Variants in DPH6 observed in about 807,000 individuals in gnomAD.
The protein encoded by DPH6 is diphthamine biosynthesis 6.
A neutral mutation model predicts 38.2 loss-of-function variants in DPH6; 33 were observed. The ratio of observed to expected loss-of-function variants is 0.86; its 90% CI spans 0.65 to 1.15. DPH6 has a LOEUF of 1.15. Ranked by LOEUF, DPH6 falls within the 50% of genes most tolerant of loss-of-function variation. DPH6 has a pLI of 0.00. For missense variants in DPH6, 325 were observed against 320.0 expected, an observed-to-expected ratio of 1.02 and a Z score of -0.12; for synonymous variants, 108 against 103.0, an observed-to-expected ratio of 1.05 and a Z score of -0.30.
chr15:35,518,087 T>G (rs2054872299), intron 3 of DPH6, among the ~76,000 whole-genome samples: 1 of 152,018 alleles, frequency 6.6e-6, no homozygotes, highest in Admixed American at 6.6e-5. Context: ...AGGCCTGGTG[T>G]TCAAAGAATT....
At position 35,314,846 on chromosome 15, in the gene DPH6, C is replaced by T. The variant is rs72708948; in HGVS notation, n.200+58675G>A. Among the ~76,000 whole-genome samples, 269 of 152,192 alleles carry T rather than the reference C, an allele frequency of 1.8e-3. 1 individual carries two copies. Among genetic ancestry groups the T allele is most frequent in the East Asian group, 5.0e-3 (26 of 5,182 alleles). On this transcript the variant is annotated intron_variant and non_coding_transcript_variant, in intron 3 of 3. Transcript: ENST00000560386. ...CATTTCTTGATGGGATTGTGACATG[C>T]GATGAAAAGTGGATTTTATACCACA...
At chr15:35,426,160 G>T (rs1455046) in intron 5 of DPH6, among the ~76,000 whole-genome samples, 50,804 of 151,080 alleles carry the variant, frequency 0.34, 10,067 homozygotes, top group African/African-American at 0.56. Context: ...TACAACACAT[G>T]TTGGGAGTTT....
At chr15:35,213,553 A>G (rs184543571), downstream of DPH6, among the ~76,000 whole-genome samples, 5 of 152,300 alleles carry the variant, frequency 3.3e-5, no homozygotes, top group African/African-American at 1.2e-4. Flanking sequence ...AAATATTTAG[A>G]AAAAAAGGTC....
chr15:35,423,092 G>A (rs760380074), intron 5 of DPH6, among the ~76,000 whole-genome samples: 4 of 151,758 alleles, frequency 2.6e-5, no homozygotes, highest in African/African-American at 7.3e-5. Context: ...TGTGATTGCC[G>A]GATCATACAG....
intron 6 of DPH6, among the ~76,000 whole-genome samples, chr15:35,382,895 T>C (rs906948299): frequency 6.6e-6 from 1 of 151,814 alleles, no homozygotes; most frequent in Non-Finnish European, 1.5e-5. Context: ...AAACCTATGA[T>C]TTGCATTAAA....
chr15:35,237,999 G>C, intron 3 of DPH6: 1 of 1,500,880 alleles, frequency 6.7e-7, no homozygotes, highest in Non-Finnish European at 9.3e-7. Context: ...GAAGAGCTCC[G>C]TGAAGAAGAA....
chr15:35,167,928 G>A, the DPH6 span, among the ~76,000 whole-genome samples: 1 of 152,008 alleles, frequency 6.6e-6, no homozygotes. Context: ...TACTTTCAAT[G>A]CCACACAAGT....
At chr15:35,538,585 C>T (rs2055207696) in intron 2 of DPH6, 118 bp from the exon 3 acceptor site, 6 of 819,526 alleles carry the variant, frequency 7.3e-6, no homozygotes, top group Non-Finnish European at 1.0e-5. Context: ...GCTTGCTATA[C>T]TATGTTTCTC....
intron 6 of DPH6, among the ~76,000 whole-genome samples, chr15:35,384,996 G>A (rs1191957755): frequency 3.9e-5 from 6 of 152,006 alleles, no homozygotes; most frequent in Non-Finnish European, 5.9e-5. Context: ...ACATTTATGC[G>A]GCCAACAAAC....
the DPH6 span, among the ~76,000 whole-genome samples, chr15:35,165,656 A>G: frequency 6.6e-6 from 1 of 151,912 alleles, no homozygotes; most frequent in African/African-American, 2.4e-5. Context: ...GAATTGGGCA[A>G]ATGCTGAGCC....
intron 3 of DPH6, among the ~76,000 whole-genome samples, chr15:35,233,791 T>C (rs2051534383): frequency 6.6e-6 from 1 of 152,216 alleles, no homozygotes; most frequent in Non-Finnish European, 1.5e-5. Context: ...TTCTCTAATG[T>C]ACTGAGTTTA....
At chr15:35,169,882 C>T in the DPH6 span, among the ~76,000 whole-genome samples, 1 of 152,108 alleles carries the variant, frequency 6.6e-6, no homozygotes. Context: ...GATAAATGAG[C>T]AGGTAGTTAT....
chr15:35,270,220 T>C (rs1398941256), intron 3 of DPH6, among the ~76,000 whole-genome samples: 1 of 151,916 alleles, frequency 6.6e-6, no homozygotes, highest in Non-Finnish European at 1.5e-5. Flanking sequence ...ATTAGGAAAA[T>C]AAGAAATAAA....
the DPH6 span, among the ~76,000 whole-genome samples, chr15:35,211,776 G>A: frequency 6.6e-6 from 1 of 152,108 alleles, no homozygotes; most frequent in African/African-American, 2.4e-5. Flanking sequence ...AAGAGGCATG[G>A]CTCTATTTTT....
intron 3 of DPH6, among the ~76,000 whole-genome samples, chr15:35,268,848 C>T (rs1003657235): frequency 1.1e-4 from 16 of 151,538 alleles, no homozygotes; most frequent in African/African-American, 3.4e-4. Flanking sequence ...ATAGGAAAAA[C>T]AAGGCTGGCA....
intron 2 of DPH6, among the ~76,000 whole-genome samples, 158 bp from the exon 3 acceptor site, chr15:35,538,625 G>T (rs2055208317): frequency 6.6e-6 from 1 of 152,104 alleles, no homozygotes; most frequent in Non-Finnish European, 1.5e-5. Context: ...AAAAACATAA[G>T]AATTGCACAT....
chr15:35,307,023 T>C (rs2052097608), intron 3 of DPH6, among the ~76,000 whole-genome samples: 1 of 152,168 alleles, frequency 6.6e-6, no homozygotes, highest in Non-Finnish European at 1.5e-5. Flanking sequence ...CTTTAGGGCT[T>C]TTATAGTATG....
chr15:35,355,069 T>G (rs2052547771), intron 3 of DPH6, among the ~76,000 whole-genome samples: 1 of 152,234 alleles, frequency 6.6e-6, no homozygotes, highest in Non-Finnish European at 1.5e-5. Flanking sequence ...TGATATTTGT[T>G]GGTTTAAAGT....
intron 3 of DPH6, among the ~76,000 whole-genome samples, chr15:35,270,828 A>C (rs1257726178): frequency 6.6e-6 from 1 of 152,242 alleles, no homozygotes; most frequent in Non-Finnish European, 1.5e-5. Flanking sequence ...AACACAGACA[A>C]GATACTTAAA....
Sources: gnomAD v4.1 joint callset for allele counts (sites outside exome capture counted in the v4.1 genomes callset) on GRCh38, gnomAD v4.1.1 for gene constraint, MANE v1.5 for transcripts, NCBI Gene and HGNC (gene_info 2026-07-23, HGNC 2026-07-21) for gene names.